The following ANKRD44 variants were observed in gnomAD, a reference collection of about 807,000 sequenced individuals.
ANKRD44 encodes ankyrin repeat domain 44.
A neutral mutation model predicts 116.0 loss-of-function variants in ANKRD44; 35 were observed. That is an observed-to-expected ratio of 0.30 (90% confidence interval 0.23 to 0.40). The LOEUF (loss-of-function observed/expected upper bound fraction) is 0.40, where lower values mean the gene tolerates loss of function less well. ANKRD44 is among the 10% of genes least tolerant of loss of function. The probability of loss-of-function intolerance (pLI) is 1.00; values close to 1 mark genes in which losing one functional copy is unlikely to be tolerated. For missense variants in ANKRD44, 1,014 were observed against 1,242.6 expected, an observed-to-expected ratio of 0.82 and a Z score of 2.77; for synonymous variants, 435 against 461.8, an observed-to-expected ratio of 0.94 and a Z score of 0.74.
At chr2:197,298,947 T>A (rs999987720) in intron 1 of ANKRD44, among the ~76,000 whole-genome samples, 2 of 152,014 alleles carry the variant, frequency 1.3e-5, no homozygotes, top group African/African-American at 4.8e-5. Context: ...GAGAAAATGC[T>A]AGAGTTTTAT....
At chr2:197,087,336 C>T (rs1022331387) in intron 12 of ANKRD44, among the ~76,000 whole-genome samples, 2 of 152,192 alleles carry the variant, frequency 1.3e-5, no homozygotes, top group African/African-American at 4.8e-5. Context: ...GCTTCTTTAT[C>T]ATTTGCAGAA....
intron 18 of ANKRD44, among the ~76,000 whole-genome samples, chr2:197,011,061 G>T (rs1396040632): frequency 6.6e-6 from 1 of 152,194 alleles, no homozygotes; most frequent in African/African-American, 2.4e-5. Context: ...CTGTGGATTG[G>T]AGTACAGGTA....
At chr2:197,143,253 G>A (rs2079414012) in intron 3 of ANKRD44, among the ~76,000 whole-genome samples, 1 of 150,066 alleles carries the variant, frequency 6.7e-6, no homozygotes, top group Non-Finnish European at 1.5e-5. Context: ...ACAATGTGCA[G>A]GTTAGTTACA....
At position 197,241,482 on chromosome 2, in the gene ANKRD44, T is replaced by C. The variant is rs1238108476; in HGVS notation, c.28-54376A>G. Reference sequence around the variant, plus strand: ...CTGTAGAATACTCATGGAAAAATGCTGGACTGGTAAGAAATATATCAAAAT... The same window carrying C: ...CTGTAGAATACTCATGGAAAAATGCCGGACTGGTAAGAAATATATCAAAAT... On this transcript the variant is annotated intron_variant, in intron 1 of 27. Transcript: ENST00000282272. 2.6e-5 allele frequency among the ~76,000 whole-genome samples: 4 copies of C among 152,218 alleles called. 1 individual carries two copies.
chr2:197,281,238 T>C (rs79709313), intron 1 of ANKRD44, among the ~76,000 whole-genome samples: 9 of 152,336 alleles, frequency 5.9e-5, no homozygotes, highest in African/African-American at 2.2e-4. Flanking sequence ...TACATGCCTG[T>C]TGATAGGAGG....
intron 1 of ANKRD44, among the ~76,000 whole-genome samples, chr2:197,257,449 G>A (rs1226429888): frequency 4.0e-5 from 6 of 150,880 alleles, no homozygotes; most frequent in South Asian, 2.1e-4. Context: ...ATAAAACTTC[G>A]GGGAAAAAAA....
At chr2:197,019,783 G>A (rs370316161) in intron 17 of ANKRD44, among the ~76,000 whole-genome samples, 58 of 151,598 alleles carry the variant, frequency 3.8e-4, no homozygotes, top group African/African-American at 1.2e-3. Flanking sequence ...GGGAATAGGC[G>A]ATTTCTTTTT....
chr2:197,298,468 T>C (rs1180337884), intron 1 of ANKRD44, among the ~76,000 whole-genome samples: 3 of 152,172 alleles, frequency 2.0e-5, no homozygotes, highest in Non-Finnish European at 4.4e-5. Flanking sequence ...AGAAAAATCA[T>C]GTGCTTTTAT....
At chr2:197,175,843 G>C (rs940348106) in intron 2 of ANKRD44, among the ~76,000 whole-genome samples, 1 of 152,098 alleles carries the variant, frequency 6.6e-6, no homozygotes, top group African/African-American at 2.4e-5. Flanking sequence ...CATTTCCTAG[G>C]TCACAAAAGG....
chr2:197,159,673 T>C (rs1182079897), intron 2 of ANKRD44, among the ~76,000 whole-genome samples: 1 of 152,252 alleles, frequency 6.6e-6, no homozygotes, highest in African/African-American at 2.4e-5. Context: ...ATGGCAAAAT[T>C]GTAATTTGTC....
At chr2:197,287,700 T>G (rs1427114103) in intron 1 of ANKRD44, among the ~76,000 whole-genome samples, 1 of 152,152 alleles carries the variant, frequency 6.6e-6, no homozygotes, top group African/African-American at 2.4e-5. Flanking sequence ...TGGGGACTTC[T>G]TAGCTAATTC....
intron 1 of ANKRD44, among the ~76,000 whole-genome samples, chr2:197,242,706 G>C (rs1201494275): frequency 1.3e-5 from 2 of 152,156 alleles, no homozygotes; most frequent in Non-Finnish European, 2.9e-5. Flanking sequence ...ATGGTTAACA[G>C]GACACTCTAG....
At chr2:197,106,855 C>G (rs1192310840) in intron 9 of ANKRD44, among the ~76,000 whole-genome samples, 4 of 146,950 alleles carry the variant, frequency 2.7e-5, no homozygotes, top group African/African-American at 7.5e-5. Flanking sequence ...AAATAAAAGA[C>G]AGACTCTCTA....
chr2:196,995,212 C>G, intron 26 of ANKRD44, 167 bp downstream of exon 26: 1 of 395,906 alleles, frequency 2.5e-6, no homozygotes, highest in Non-Finnish European at 4.5e-6. Context: ...CCAGCTTGGT[C>G]AGCACTTGTA....
At chr2:197,268,221 C>T (rs777425899) in intron 1 of ANKRD44, among the ~76,000 whole-genome samples, 4 of 152,214 alleles carry the variant, frequency 2.6e-5, no homozygotes, top group Non-Finnish European at 5.9e-5. Flanking sequence ...AGCTTCAGCA[C>T]ATGTGCCATG....
At position 197,267,112 on chromosome 2, in the gene ANKRD44, T is replaced by C. The variant is rs2082762095; in HGVS notation, c.27+43466A>G. Among the ~76,000 whole-genome samples the C allele has an allele frequency of 5.3e-5, 8 of 152,174 alleles. No homozygotes were observed. The South Asian group carries it at 1.7e-3, about 32-fold the overall frequency. ...GGTTTAGCCTGAATAAACATGGAAA[T>C]CTTTTTATTCTAGCTATTTTAGGTA... On this transcript the variant is annotated intron_variant, in intron 1 of 27. Transcript: ENST00000282272.
At chr2:197,293,948 C>T (rs1042165708) in intron 1 of ANKRD44, among the ~76,000 whole-genome samples, 6 of 152,152 alleles carry the variant, frequency 3.9e-5, no homozygotes, top group Non-Finnish European at 7.4e-5. Context: ...GCAGAAATGA[C>T]ACGTGATTTT....
At chr2:197,191,820 A>G (rs1234485156) in intron 1 of ANKRD44, among the ~76,000 whole-genome samples, 1 of 152,146 alleles carries the variant, frequency 6.6e-6, no homozygotes, top group Non-Finnish European at 1.5e-5. Flanking sequence ...ACAAACAAAA[A>G]AACACCAAAC....
intron 1 of ANKRD44, among the ~76,000 whole-genome samples, chr2:197,254,022 C>T (rs958236525): frequency 6.6e-5 from 10 of 152,202 alleles, no homozygotes; most frequent in African/African-American, 2.4e-4. Context: ...CTGTAATACA[C>T]AAGCAGTGAA....
Sources: gnomAD v4.1 joint callset for allele counts (sites outside exome capture counted in the v4.1 genomes callset) on GRCh38, gnomAD v4.1.1 for gene constraint, MANE v1.5 for transcripts, NCBI Gene and HGNC (gene_info 2026-07-23, HGNC 2026-07-21) for gene names.